The following LRPPRC variants were observed in gnomAD, a reference collection of about 807,000 sequenced individuals.
The protein encoded by LRPPRC is leucine-rich PPR motif-containing protein, mitochondrial.
Under a neutral mutation model 180.3 loss-of-function variants are expected in LRPPRC, and 120 were observed. The ratio of observed to expected loss-of-function variants is 0.67; its 90% CI spans 0.57 to 0.77. The LOEUF (loss-of-function observed/expected upper bound fraction) is 0.77. Ranked by LOEUF, LRPPRC falls within the 30% of genes least tolerant of loss-of-function variation. The pLI is 0.00. For missense variants in LRPPRC, 2,012 were observed against 1,657.2 expected (o/e 1.21, Z -3.72); for synonymous variants, 723 against 600.0 (o/e 1.21, Z -3.00).
rs780487308 is a variant in LRPPRC, at chr2:43,963,627, T to C, written c.1449A>G (p.Pro483=). ...DQETYTDYVI[P]CFDSVNSARA... is the part of the protein sequence containing the mutation. ...GTGCTGAGTTTACACTATCAAAGCA[T>C]GGAATCACATAATCTGTATATGTTT... is the stretch of plus-strand genomic sequence containing the variant. Residue 483 remains proline, a synonymous_variant, in exon 12 of 38, where the codon CCA becomes CCG. Transcript: ENST00000260665. The C allele has an allele frequency of 8.7e-6, 14 of 1,612,328 alleles. No individual in the cohort carries two copies. The highest frequency in any genetic ancestry group is 1.7e-5 in the Admixed American group (1 of 60,008).
At position 43,943,734 on chromosome 2, in the gene LRPPRC, T is replaced by A; in HGVS notation, c.2457A>T (p.Glu819Asp). Reference sequence around the variant, plus strand: ...ATGGGAAACTTATGTTGGTGGATGGTTCTGCTAACCCTAGAGTCACGATGG... The same window carrying A: ...ATGGGAAACTTATGTTGGTGGATGGATCTGCTAACCCTAGAGTCACGATGG... The part of the protein sequence containing the change: ...HEAIVTLGLA[E>D]PSTNISFPLV... Residue 819 changes from glutamate to aspartate, a missense_variant, in exon 23 of 38, where the codon GAA (glutamate) becomes GAT (aspartate). Transcript: ENST00000260665. 6.2e-7 allele frequency: 1 copy of A among 1,613,558 alleles called. No homozygotes were observed. The highest frequency in any genetic ancestry group is 8.5e-7 in the Non-Finnish European group (1 of 1,179,482).
At chr2:43,910,302 TG>T (rs1280990588) in intron 30 of LRPPRC, among the ~76,000 whole-genome samples, 5 of 151,890 alleles carry the variant, frequency 3.3e-5, no homozygotes, top group African/African-American at 4.8e-5. Flanking sequence ...GGCGCGATCT[TG>T]GGCTCACTGC....
intron 29 of LRPPRC, among the ~76,000 whole-genome samples, chr2:43,914,725 C>T (rs981425510): frequency 2.8e-4 from 42 of 150,762 alleles, no homozygotes; most frequent in African/African-American, 9.3e-4. Context: ...CAACATTCTG[C>T]CTCAAAAAAA....
chr2:43,927,549 C>A (rs115769137), intron 25 of LRPPRC, among the ~76,000 whole-genome samples: 3,830 of 152,214 alleles, frequency 0.025, 67 homozygotes, highest in Non-Finnish European at 0.033. Context: ...TTTTGTTTCA[C>A]ACGCATAATA....
chr2:43,911,521 TTC>T (rs200186024), intron 30 of LRPPRC, among the ~76,000 whole-genome samples: 1,162 of 95,866 alleles, frequency 0.012, 29 homozygotes, highest in African/African-American at 0.046. Context: ...CTTCTTCTTC[TTC>T]TTTTTTTTTT....
chr2:43,888,672 A>G lies in LRPPRC; in HGVS notation c.4129-16T>C. 3 of 1,510,360 alleles carry G rather than the reference A, an allele frequency of 2.0e-6. No homozygotes were observed. The highest frequency in any genetic ancestry group is 9.2e-7 in the Non-Finnish European group (1 of 1,086,106). 93.6% of individuals were successfully genotyped at this position (1,510,360 alleles called of 1,614,324 possible). On this transcript the variant is annotated splice_polypyrimidine_tract_variant and intron_variant, in intron 37 of 37. Coordinates refer to ENST00000260665, the MANE Select transcript of LRPPRC (RefSeq NM_133259.4). The stretch of plus-strand genomic sequence containing the variant: ...CAAAGCTTTCCTGTTAAGGAGAAAA[A>G]AAGAGGGAAGTTAGAGATACCAGCA...
At chr2:43,944,956 A>G (rs1287008237) in intron 22 of LRPPRC, among the ~76,000 whole-genome samples, 1 of 152,104 alleles carries the variant, frequency 6.6e-6, no homozygotes, top group Non-Finnish European at 1.5e-5. Flanking sequence ...GGTTATGTTT[A>G]TAGGTTTTAC....
intron 30 of LRPPRC, among the ~76,000 whole-genome samples, chr2:43,908,687 G>C (rs1431697136): frequency 1.3e-5 from 2 of 152,004 alleles, no homozygotes; most frequent in African/African-American, 4.8e-5. Flanking sequence ...CACCACGCCT[G>C]ACTAATTTTT....
Position 43,994,864 on chromosome 2 carries a change from CCTAT to C in LRPPRC, c.149+931_149+934del, listed in dbSNP as rs754651323. On this transcript the variant is annotated intron_variant, in intron 1 of 37. Coordinates refer to ENST00000260665, the MANE Select transcript of LRPPRC (RefSeq NM_133259.4). Reference sequence around the variant, plus strand: ...CTCAAACCATGAGAGCATTTATTCGCCTATCTGACACCCACTTAGAGTTTAACTT... The same window carrying C: ...CTCAAACCATGAGAGCATTTATTCGCCTGACACCCACTTAGAGTTTAACTT... Among the ~76,000 whole-genome samples, 171 of 152,330 alleles carry C rather than the reference CCTAT, an allele frequency of 1.1e-3. 1 individual carries two copies. The highest frequency in any genetic ancestry group is 3.8e-3 in the African/African-American group (156 of 41,586).
At chr2:43,958,109 T>C (rs888712006) in intron 13 of LRPPRC, among the ~76,000 whole-genome samples, 1 of 152,220 alleles carries the variant, frequency 6.6e-6, no homozygotes, top group Non-Finnish European at 1.5e-5. Context: ...ATAAGCCTGA[T>C]TTGCCATTGT....
At chr2:43,980,600 GAA>G in intron 2 of LRPPRC, among the ~76,000 whole-genome samples, 1 of 147,774 alleles carries the variant, frequency 6.8e-6, no homozygotes, top group East Asian at 2.0e-4. Flanking sequence ...GAGAGAGAGA[GAA>G]AGAAAGAATA....
Position 43,947,316 on chromosome 2 carries a change from C to T in LRPPRC, c.2020G>A (p.Glu674Lys), listed in dbSNP as rs149243712. 4.1e-4 allele frequency: 667 copies of T among 1,607,790 alleles called. 5 individuals carry two copies. In the Middle Eastern group the frequency reaches 0.013, roughly 30 times the overall value. Residue 674 changes from glutamate to lysine, a missense_variant, in exon 20 of 38, where the codon GAA becomes AAA. Physicochemically the swap from Glu to Lys is moderately conservative, Grantham distance 56 (BLOSUM62 1). Transcript: ENST00000260665. ...LESTLETLKA[E>K]NQPIRDVLKQ... The stretch of plus-strand genomic sequence containing the variant: ...AGGACATCTCTTATAGGTTGATTTT[C>T]AGCTTTTAGTGTTTCAAGTGTGGAC...
At position 43,925,013 on chromosome 2, in the gene LRPPRC, G is replaced by C; in HGVS notation, c.2896+54C>G. The C allele has an allele frequency of 4.8e-6, 5 of 1,037,290 alleles. No homozygotes were observed. The South Asian group carries it at 5.0e-5, about 10-fold the overall frequency. 64.3% of individuals were successfully genotyped at this position (1,037,290 alleles called of 1,614,324 possible). ...CCTCAAAACCAAATACTCCTTTCCT[G>C]CCACTGCCTTCAACAGAATAAATGA... On this transcript the variant is annotated intron_variant, in intron 27 of 37. Transcript: ENST00000260665.
At chr2:43,962,742 CAG>C (rs1265614490) in intron 12 of LRPPRC, among the ~76,000 whole-genome samples, 1 of 152,044 alleles carries the variant, frequency 6.6e-6, no homozygotes, top group Non-Finnish European at 1.5e-5. Context: ...GAGAGAGAGA[CAG>C]AAAGACTAGT....
rs1215345415 is a variant in LRPPRC at position 43,977,166 on chromosome 2, G to C, written c.580C>G (p.Gln194Glu). The change falls in exon 4 of 38, where the codon CAA (glutamine) becomes GAA (glutamate). Residue 194 changes from glutamine to glutamate, a missense_variant. Coordinates refer to ENST00000260665, the MANE Select transcript of LRPPRC (RefSeq NM_133259.4). ...TAGCAACTACTTACTCGATTTGGTTGAATGTTTGCTTCCTCCATTTTTGCC... is the reference window on the plus strand; with the variant it reads ...TAGCAACTACTTACTCGATTTGGTTCAATGTTTGCTTCCTCCATTTTTGCC... ...FLAKMEEANI[Q>E]PNRVTYQRLI... 5.6e-6 allele frequency: 9 copies of C among 1,611,582 alleles called. No individual in the cohort carries two copies. Among genetic ancestry groups the C allele is most frequent in the African/African-American group, 5.3e-5 (4 of 74,852 alleles).
chr2:43,945,971 T>G, intron 21 of LRPPRC, 142 bp downstream of exon 21: 1 of 829,480 alleles, frequency 1.2e-6, no homozygotes, highest in Non-Finnish European at 2.0e-6. Flanking sequence ...AGCCGTATAA[T>G]ACGAAATTTC....
intron 27 of LRPPRC, among the ~76,000 whole-genome samples, chr2:43,924,007 G>A (rs1671789393): frequency 6.6e-6 from 1 of 152,078 alleles, no homozygotes; most frequent in Non-Finnish European, 1.5e-5. Context: ...AAAGTCTTAA[G>A]AATTACACTG....
At chr2:43,962,732 G>GAA (rs1188176153) in intron 12 of LRPPRC, among the ~76,000 whole-genome samples, 1 of 152,160 alleles carries the variant, frequency 6.6e-6, no homozygotes, top group Non-Finnish European at 1.5e-5. Flanking sequence ...TTTAAAAAAA[G>GAA]AGAGAGAGAC....
chr2:43,933,481 T>C (rs1672162479), intron 25 of LRPPRC, among the ~76,000 whole-genome samples: 1 of 152,224 alleles, frequency 6.6e-6, no homozygotes, highest in Admixed American at 6.5e-5. Context: ...AAATAATTTT[T>C]CTTAAGGCAA....
Sources: gnomAD v4.1 joint callset for allele counts (sites outside exome capture counted in the v4.1 genomes callset) on GRCh38, gnomAD v4.1.1 for gene constraint, MANE v1.5 for transcripts, NCBI Gene and HGNC (gene_info 2026-07-23, HGNC 2026-07-21) for gene names.